MARCHF6: variants seen among roughly 807,000 people sequenced by gnomAD.
MARCHF6 encodes E3 ubiquitin-protein ligase MARCHF6.
MARCHF6 carries 31 observed loss-of-function variants against 133.7 expected under a neutral mutation model. That is an observed-to-expected ratio of 0.23 (90% CI 0.17 to 0.31). The LOEUF (loss-of-function observed/expected upper bound fraction) is 0.31. Ranked by LOEUF, MARCHF6 falls within the 10% of genes least tolerant of loss-of-function variation. The pLI is 1.00. For missense variants in MARCHF6, 723 were observed against 1,121.6 expected (o/e 0.64, Z 5.08); for synonymous variants, 395 against 402.5 (o/e 0.98, Z 0.22).
Position 10,403,530 on chromosome 5 carries a change from C to T in MARCHF6, c.1321C>T (p.Leu441=), listed in dbSNP as rs771401825. The T allele has an allele frequency of 3.3e-5, 53 of 1,611,420 alleles. No individual in the cohort carries two copies. The highest frequency in any genetic ancestry group is 4.4e-5 in the Non-Finnish European group (52 of 1,179,166). ...YVFYFASFIL[L]LREVLRPGVL... ...CTTCTACTTTGCCTCCTTCATTCTA[C>T]TACTGAGAGAGGTAAGTCCACAGGG... is the stretch of plus-strand genomic sequence containing the variant. The change falls in exon 15 of 26, where the codon CTA becomes TTA. Residue 441 remains leucine, a synonymous_variant. Coordinates refer to ENST00000274140, the MANE Select transcript of MARCHF6 (RefSeq NM_005885.4).
intron 9 of MARCHF6, among the ~76,000 whole-genome samples, chr5:10,397,060 T>C (rs1354116556): frequency 2.6e-5 from 4 of 152,230 alleles, no homozygotes; most frequent in Admixed American, 2.6e-4. Flanking sequence ...ATAAATGAAT[T>C]TGTTTTTTGT....
At chr5:10,432,835 C>T (rs911436198) in intron 25 of MARCHF6, among the ~76,000 whole-genome samples, 54 of 152,068 alleles carry the variant, frequency 3.6e-4, no homozygotes, top group African/African-American at 1.2e-3. Context: ...ACTGAAATTT[C>T]TCCTTTGATT....
At chr5:10,366,901 C>G (rs904311524) in intron 1 of MARCHF6, among the ~76,000 whole-genome samples, 4 of 152,226 alleles carry the variant, frequency 2.6e-5, no homozygotes, top group African/African-American at 9.6e-5. Context: ...TTGCTGTTCA[C>G]TCTTATAGCC....
At chr5:10,404,039 A>C (rs1353068848) in intron 15 of MARCHF6, among the ~76,000 whole-genome samples, 4 of 38,652 alleles carry the variant, frequency 1.0e-4, no homozygotes, top group African/African-American at 2.1e-4. Context: ...ACCTTTATTT[A>C]TTTATTTATT....
chr5:10,405,432 A>G (rs543856225), intron 15 of MARCHF6, 126 bp from the exon 16 acceptor site: 1 of 729,180 alleles, frequency 1.4e-6, no homozygotes, highest in African/African-American at 1.9e-5. Context: ...TACCATGTAC[A>G]TTTTCTGGGG....
intron 10 of MARCHF6, among the ~76,000 whole-genome samples, chr5:10,400,250 T>C (rs1381061507): frequency 2.6e-5 from 4 of 152,216 alleles, no homozygotes; most frequent in Admixed American, 1.3e-4. Context: ...GAAATTCTTA[T>C]CAATTTGGGA....
intron 6 of MARCHF6, 116 bp from the exon 7 acceptor site, chr5:10,391,426 C>A: frequency 1.4e-6 from 1 of 720,272 alleles, no homozygotes; most frequent in South Asian, 2.0e-5. Flanking sequence ...AGCCACTACA[C>A]CTGGCCTAGG....
chr5:10,426,584 TA>T (rs1181024819), intron 24 of MARCHF6, 62 bp downstream of exon 24: 2 of 1,549,422 alleles, frequency 1.3e-6, no homozygotes, highest in Admixed American at 1.9e-5. Flanking sequence ...ACATTCTCTT[TA>T]CCCCTAGTAA....
intron 4 of MARCHF6, among the ~76,000 whole-genome samples, chr5:10,383,726 GAA>G (rs1737298099): frequency 1.3e-5 from 2 of 152,168 alleles, no homozygotes; most frequent in Non-Finnish European, 2.9e-5. Flanking sequence ...GAATCAGAGA[GAA>G]AGATGTGAGA....
chr5:10,376,472 C>T (rs946421100), intron 1 of MARCHF6, among the ~76,000 whole-genome samples: 3 of 152,230 alleles, frequency 2.0e-5, no homozygotes, highest in African/African-American at 7.2e-5. Context: ...CGAGGGTCCG[C>T]GGCTTCATTC....
rs760107187 is a variant in MARCHF6, at chr5:10,397,361, CT to C, written c.913+28del. The C allele has an allele frequency of 0.074, 75,757 of 1,027,168 alleles. 9 individuals are homozygous for C. The highest frequency in any genetic ancestry group is 0.12 in the South Asian group (6,198 of 49,806). 63.6% of individuals were successfully genotyped at this position (1,027,168 alleles called of 1,614,324 possible). A position where few individuals can be genotyped will look rare whatever the true frequency, so the allele number is the denominator to read the frequency against. ...TTGTTTTTGGTAAGTTGTGTTTGTG[CT>C]TTTTTTTTTTATAGTATTATGGTAG... On this transcript the variant is annotated intron_variant, in intron 10 of 25. Coordinates refer to ENST00000274140, the MANE Select transcript of MARCHF6 (RefSeq NM_005885.4).
rs1325898764 is a variant in MARCHF6, at chr5:10,410,129, C to G, written c.1554-10C>G. On this transcript the variant is annotated splice_polypyrimidine_tract_variant and intron_variant, in intron 17 of 25. Transcript: ENST00000274140. ...AATACAATTCACATTATAAATCCTGCCTCTTTCAGTGATGCTCCAGTGAGT... is the reference window on the plus strand; with the variant it reads ...AATACAATTCACATTATAAATCCTGGCTCTTTCAGTGATGCTCCAGTGAGT... The G allele has an allele frequency of 6.2e-7, 1 of 1,612,972 alleles. No homozygotes were observed. The highest frequency in any genetic ancestry group is 8.5e-7 in the Non-Finnish European group (1 of 1,179,662).
chr5:10,368,863 G>A (rs1376013588), intron 1 of MARCHF6, among the ~76,000 whole-genome samples: 2 of 151,910 alleles, frequency 1.3e-5, no homozygotes, highest in African/African-American at 4.8e-5. Flanking sequence ...GTGAGCCACC[G>A]TGCCCAGCCA....
At chr5:10,376,061 G>T (rs1022409147) in intron 1 of MARCHF6, among the ~76,000 whole-genome samples, 1 of 152,294 alleles carries the variant, frequency 6.6e-6, no homozygotes, top group East Asian at 1.9e-4. Flanking sequence ...GCAGGATGTG[G>T]GTGGGGCCAG....
Position 10,433,820 on chromosome 5 carries a change from G to C in MARCHF6, c.*136G>C, listed in dbSNP as rs1486604183. On this transcript the variant is annotated 3_prime_UTR_variant, in exon 26 of 26. Transcript: ENST00000274140. Reference sequence around the variant, plus strand: ...ATTTGACTTGTGTTCTCAGCATTCAGAGAGCAGCGGTGTAAGATTCTGCTG... The same window carrying C: ...ATTTGACTTGTGTTCTCAGCATTCACAGAGCAGCGGTGTAAGATTCTGCTG... 4.3e-6 allele frequency: 3 copies of C among 691,758 alleles called. No individual in the cohort carries two copies. The highest frequency in any genetic ancestry group is 7.6e-6 in the Non-Finnish European group (3 of 393,644). 42.9% of individuals were successfully genotyped at this position (691,758 alleles called of 1,614,324 possible). A position where few individuals can be genotyped will look rare whatever the true frequency, so the allele number is the denominator to read the frequency against.
At chr5:10,376,692 A>G (rs1489392311) in intron 1 of MARCHF6, among the ~76,000 whole-genome samples, 2 of 152,200 alleles carry the variant, frequency 1.3e-5, no homozygotes, top group Non-Finnish European at 2.9e-5. Context: ...CCACCAGCCT[A>G]GAAAAGGCAT....
rs1486346728 is a variant in MARCHF6, at chr5:10,426,424, A to G, written c.2408A>G (p.His803Arg). 5.6e-6 allele frequency: 9 copies of G among 1,613,832 alleles called. No homozygotes were observed. Among genetic ancestry groups the G allele is most frequent in the East Asian group, 2.2e-5 (1 of 44,860 alleles). The change falls in exon 24 of 26, where the codon CAC becomes CGC. Residue 803 changes from histidine to arginine, a missense_variant. Around this residue, in one of 4 missense-constraint regions of MARCHF6, gnomAD observed 492 missense variants for 699.5 expected, o/e 0.70. Coordinates refer to ENST00000274140, the MANE Select transcript of MARCHF6 (RefSeq NM_005885.4). The part of the protein sequence containing the change: ...YANGIRNIDL[H>R]YIVRKLAAPV... ...AATGGCATCCGGAACATTGACCTTC[A>G]CTATATTGTTCGTAAACTGGCAGCT...
Position 10,429,988 on chromosome 5 carries a change from C to A in MARCHF6, c.2602C>A (p.Arg868Ser). The A allele has an allele frequency of 1.2e-6, 2 of 1,613,416 alleles. No homozygotes were observed. The change falls in exon 25 of 26, where the codon CGC (arginine) becomes AGC (serine). Residue 868 changes from arginine (R) to serine (S), a missense_variant. Coordinates refer to ENST00000274140, the MANE Select transcript of MARCHF6 (RefSeq NM_005885.4). ...VLMAILSFQV[R>S]QFKRLYEHIK... Reference sequence around the variant, plus strand: ...GATGGCAATTTTGTCCTTCCAAGTCCGCCAGTTTAAGCGCCTTTATGAACA... The same window carrying A: ...GATGGCAATTTTGTCCTTCCAAGTCAGCCAGTTTAAGCGCCTTTATGAACA...
At position 10,437,400 on chromosome 5, in the gene MARCHF6, T is replaced by C. The variant is rs1740696324; in HGVS notation, c.*3716T>C. On this transcript the variant is annotated 3_prime_UTR_variant, in exon 26 of 26. Transcript: ENST00000274140. ...GATTCGCTGACTTCCTTGGTTAAGC[T>C]GTCTTGTATTTACTTAATTTGTCCC... The C allele has an allele frequency of 6.6e-6, 1 of 152,268 alleles. No homozygotes were observed. Among genetic ancestry groups the C allele is most frequent in the Admixed American group, 6.5e-5 (1 of 15,288 alleles). The allele number at this position is 152,268 out of a possible 1,614,324, so 9.4% of individuals were successfully genotyped here.
Sources: allele counts gnomAD v4.1 joint callset (sites outside exome capture counted in the v4.1 genomes callset), GRCh38; gene constraint gnomAD v4.1.1; regional missense constraint gnomAD v4.1.1; transcripts MANE v1.5; gene names NCBI Gene and HGNC (gene_info 2026-07-23, HGNC 2026-07-21).